Variants in DEPTOR observed in about 807,000 individuals in gnomAD.
DEPTOR encodes the protein DEP domain-containing mTOR-interacting protein.
In DEPTOR, 41 loss-of-function variants were observed where a neutral mutation model predicts 41.6. The observed-to-expected ratio is 0.98, with a 90% CI of 0.77 to 1.28. The LOEUF (loss-of-function observed/expected upper bound fraction) is 1.28. Ranked by LOEUF, DEPTOR falls within the 50% of genes most tolerant of loss-of-function variation. The pLI, the probability that DEPTOR is intolerant of heterozygous loss-of-function variation, is 0.00. For missense variants in DEPTOR, 514 were observed against 527.9 expected (o/e 0.97, Z 0.26); for synonymous variants, 195 against 192.3 (o/e 1.01, Z -0.12).
At chr8:119,932,967 T>G (rs62528692) in intron 3 of DEPTOR, among the ~76,000 whole-genome samples, 4 of 151,698 alleles carry the variant, frequency 2.6e-5, no homozygotes, top group Admixed American at 1.3e-4. Context: ...AGGGCAGAAG[T>G]AAAGAGGAGA....
At chr8:119,987,520 T>C (rs1031039565) in intron 4 of DEPTOR, among the ~76,000 whole-genome samples, 1 of 152,188 alleles carries the variant, frequency 6.6e-6, no homozygotes, top group African/African-American at 2.4e-5. Flanking sequence ...AGGGACCCAC[T>C]TGAGGAGGCA....
chr8:119,907,055 C>G (rs1827673358), intron 1 of DEPTOR, among the ~76,000 whole-genome samples: 1 of 152,166 alleles, frequency 6.6e-6, no homozygotes, highest in South Asian at 2.1e-4. Flanking sequence ...GTGGCTCTTA[C>G]TGGTGATGAT....
In DEPTOR at chr8:120,050,667, T is replaced by A. The variant is rs1813223053; in HGVS notation, c.*963T>A. 2.6e-5 allele frequency: 4 copies of A among 152,100 alleles called. No individual in the cohort carries two copies. Among genetic ancestry groups the A allele is most frequent in the African/African-American group, 7.2e-5 (3 of 41,412 alleles). The allele number at this position is 152,100 out of a possible 1,614,324, so 9.4% of individuals were successfully genotyped here. On this transcript the variant is annotated 3_prime_UTR_variant, in exon 9 of 9. Coordinates refer to ENST00000286234, the MANE Select transcript of DEPTOR (RefSeq NM_022783.4). ...TCTAAGGACATGACATGCTGCTTAT[T>A]TGGGGGGATTATTTTTCACCAAAAT...
intron 1 of DEPTOR, among the ~76,000 whole-genome samples, chr8:119,895,864 A>G (rs570803261): frequency 6.6e-6 from 1 of 152,338 alleles, no homozygotes; most frequent in East Asian, 1.9e-4. Context: ...ATTTTGACTT[A>G]CACCGATGCT....
intron 1 of DEPTOR, among the ~76,000 whole-genome samples, chr8:119,887,111 TCCCC>T (rs1827375037): frequency 7.8e-5 from 1 of 12,798 alleles, no homozygotes. Flanking sequence ...CCCCTTCCCC[TCCCC>T]TCCCCCTCCC....
chr8:119,899,039 A>T (rs1827554916), intron 1 of DEPTOR, among the ~76,000 whole-genome samples: 1 of 152,230 alleles, frequency 6.6e-6, no homozygotes, highest in Non-Finnish European at 1.5e-5. Flanking sequence ...TGGAATACTG[A>T]CTTAATTTTC....
chr8:120,009,268 C>A, intron 8 of DEPTOR, 135 bp downstream of exon 8: 1 of 770,648 alleles, frequency 1.3e-6, no homozygotes, highest in Non-Finnish European at 2.1e-6. Context: ...CTTTCTTGTT[C>A]TCCAAAGTCT....
At chr8:119,926,982 G>A (rs1308827263) in intron 1 of DEPTOR, among the ~76,000 whole-genome samples, 5 of 152,052 alleles carry the variant, frequency 3.3e-5, no homozygotes, top group Admixed American at 2.0e-4. Flanking sequence ...TTCTTTCTTC[G>A]TAGATGTTCA....
chr8:119,894,213 A>G (rs1176729424), intron 1 of DEPTOR, among the ~76,000 whole-genome samples: 1 of 151,374 alleles, frequency 6.6e-6, no homozygotes, highest in Non-Finnish European at 1.5e-5. Flanking sequence ...CTGGGACACC[A>G]CACCCAGCTA....
At chr8:119,931,036 A>G (rs1338300242) in intron 3 of DEPTOR, among the ~76,000 whole-genome samples, 2 of 152,048 alleles carry the variant, frequency 1.3e-5, no homozygotes, top group African/African-American at 4.8e-5. Context: ...ACATGGTGAA[A>G]GCCCGTCTCC....
chr8:119,920,756 C>T (rs1395562956), intron 1 of DEPTOR, among the ~76,000 whole-genome samples: 2 of 152,060 alleles, frequency 1.3e-5, no homozygotes, highest in East Asian at 1.9e-4. Context: ...CCCACTCAGC[C>T]CCCTGAGGGG....
At chr8:120,042,282 C>T (rs1296500585) in intron 8 of DEPTOR, among the ~76,000 whole-genome samples, 1 of 152,058 alleles carries the variant, frequency 6.6e-6, no homozygotes, top group Admixed American at 6.6e-5. Flanking sequence ...ATAATTTCCC[C>T]CAGGCTGAGT....
At chr8:119,930,315 C>A (rs995891598) in intron 3 of DEPTOR, among the ~76,000 whole-genome samples, 2 of 152,138 alleles carry the variant, frequency 1.3e-5, no homozygotes, top group African/African-American at 4.8e-5. Context: ...CGGCTCACTG[C>A]AACCTCCGTC....
rs552187776 is a variant in DEPTOR at position 120,013,462 on chromosome 8, G to T, written c.1101+4329G>T. On this transcript the variant is annotated intron_variant, in intron 8 of 8. Transcript: ENST00000286234. ...GCCATTTGTATAATCTATTCGTAAAGGCTTGTTCCCAGCAAGCTGTCATTG... is the reference window on the plus strand; with the variant it reads ...GCCATTTGTATAATCTATTCGTAAATGCTTGTTCCCAGCAAGCTGTCATTG... 3.3e-5 allele frequency among the ~76,000 whole-genome samples: 5 copies of T among 152,272 alleles called. No individual in the cohort carries two copies. The East Asian group carries it at 9.6e-4, about 29-fold the overall frequency.
Position 120,006,893 on chromosome 8 carries a change from C to T in DEPTOR, c.996+18C>T. The T allele has an allele frequency of 6.2e-7, 1 of 1,613,866 alleles. No individual in the cohort carries two copies. On this transcript the variant is annotated intron_variant, in intron 7 of 8. Transcript: ENST00000286234. ...CATTCACGGTAGGCTGATGGTCTGGCCTTTTTCTCCCGTGCTGCCCATTTT... is the reference window on the plus strand; with the variant it reads ...CATTCACGGTAGGCTGATGGTCTGGTCTTTTTCTCCCGTGCTGCCCATTTT...
At chr8:119,900,035 T>A (rs972146968) in intron 1 of DEPTOR, among the ~76,000 whole-genome samples, 2 of 152,122 alleles carry the variant, frequency 1.3e-5, no homozygotes, top group Non-Finnish European at 2.9e-5. Context: ...AAATTATAGA[T>A]GTCGGCTGGG....
At chr8:119,919,522 A>G (rs1411534093) in intron 1 of DEPTOR, among the ~76,000 whole-genome samples, 1 of 152,250 alleles carries the variant, frequency 6.6e-6, no homozygotes, top group African/African-American at 2.4e-5. Flanking sequence ...TCAGATATTA[A>G]AAGGAAATGC....
intron 1 of DEPTOR, among the ~76,000 whole-genome samples, chr8:119,924,963 G>T (rs1209949604): frequency 6.6e-6 from 1 of 152,134 alleles, no homozygotes; most frequent in Admixed American, 6.6e-5. Flanking sequence ...CTGAGGCTAG[G>T]TAATTTATAA....
intron 3 of DEPTOR, among the ~76,000 whole-genome samples, chr8:119,930,239 T>C (rs560584884): frequency 6.6e-6 from 1 of 152,296 alleles, no homozygotes; most frequent in East Asian, 1.9e-4. Flanking sequence ...CCTCTCTTAT[T>C]TTTATTTTTT....
Sources: allele counts gnomAD v4.1 joint callset (sites outside exome capture counted in the v4.1 genomes callset), GRCh38; gene constraint gnomAD v4.1.1; transcripts MANE v1.5; gene names NCBI Gene and HGNC (gene_info 2026-07-23, HGNC 2026-07-21).